FHIT: variants seen among roughly 807,000 people sequenced by gnomAD.
FHIT encodes fragile histidine triad diadenosine triphosphatase.
In FHIT, 19 loss-of-function variants were observed where a neutral mutation model predicts 17.9. The ratio of observed to expected loss-of-function variants is 1.06; its 90% CI spans 0.74 to 1.56. FHIT has a LOEUF of 1.56. FHIT is among the 40% of genes most tolerant of loss of function. The probability of loss-of-function intolerance (pLI) is 0.00; values close to 1 mark genes in which losing one functional copy is unlikely to be tolerated. For synonymous variants in FHIT, 81 were observed against 69.7 expected (o/e 1.16, Z -0.81); for missense variants, 248 against 189.2 (o/e 1.31, Z -1.82).
At chr3:61,057,992 A>T (rs1182547555) in intron 2 of FHIT, among the ~76,000 whole-genome samples, 3 of 152,162 alleles carry the variant, frequency 2.0e-5, no homozygotes, top group Non-Finnish European at 2.9e-5. Context: ...AACTGGGTAG[A>T]GTTCAAGAAT....
chr3:59,877,626 G>T (rs1422322881), intron 8 of FHIT, among the ~76,000 whole-genome samples: 3 of 152,146 alleles, frequency 2.0e-5, no homozygotes, highest in Non-Finnish European at 4.4e-5. Flanking sequence ...GTAGAGGCTT[G>T]GGCTATGATC....
chr3:59,840,667 G>A (rs1454074072), intron 8 of FHIT, among the ~76,000 whole-genome samples: 2 of 152,088 alleles, frequency 1.3e-5, no homozygotes, highest in Non-Finnish European at 2.9e-5. Flanking sequence ...CACCTATGCT[G>A]CAGTCTTTTG....
intron 4 of FHIT, among the ~76,000 whole-genome samples, chr3:60,620,784 A>G (rs938463692): frequency 6.6e-6 from 1 of 152,156 alleles, no homozygotes; most frequent in African/African-American, 2.4e-5. Context: ...AGACTGAACC[A>G]TAACATAACC....
intron 2 of FHIT, among the ~76,000 whole-genome samples, chr3:61,123,752 G>GT (rs1291363936): frequency 6.6e-6 from 1 of 152,054 alleles, no homozygotes; most frequent in African/African-American, 2.4e-5. Flanking sequence ...TGGTGGGGGT[G>GT]TTCTAATTGT....
chr3:60,351,333 G>A (rs765895658), intron 5 of FHIT, among the ~76,000 whole-genome samples: 70 of 152,228 alleles, frequency 4.6e-4, no homozygotes, highest in Middle Eastern at 3.4e-3. Context: ...ACACTCAGAC[G>A]CAAGCCACCT....
intron 5 of FHIT, among the ~76,000 whole-genome samples, chr3:60,299,965 C>T (rs114435299): frequency 4.5e-4 from 68 of 152,176 alleles, no homozygotes; most frequent in African/African-American, 1.6e-3. Context: ...CTACAGTGAG[C>T]AGGCTTTCGC....
intron 5 of FHIT, among the ~76,000 whole-genome samples, chr3:60,233,269 C>T (rs1236948517): frequency 6.6e-6 from 1 of 152,148 alleles, no homozygotes; most frequent in African/African-American, 2.4e-5. Flanking sequence ...CTGACTGATG[C>T]CTGGCAATCC....
At chr3:60,474,095 C>T (rs2033224941) in intron 5 of FHIT, among the ~76,000 whole-genome samples, 1 of 152,098 alleles carries the variant, frequency 6.6e-6, no homozygotes, top group African/African-American at 2.4e-5. Context: ...AGCAGTGACA[C>T]AATCAGGACA....
Position 60,035,263 on chromosome 3 carries a change from G to A in FHIT, c.104-21111C>T, listed in dbSNP as rs376453326. 3.5e-3 allele frequency among the ~76,000 whole-genome samples: 537 copies of A among 152,248 alleles called. 4 individuals are homozygous for A. The highest frequency in any genetic ancestry group is 6.3e-3 in the Non-Finnish European group (427 of 68,004). On this transcript the variant is annotated intron_variant, in intron 5 of 9. Transcript: ENST00000492590. The stretch of plus-strand genomic sequence containing the variant: ...CAGAATGGCCACCATGCAGCAAAAA[G>A]ATCGCTCTTGTTGCCCAGGCTGGAG...
Position 59,752,307 on chromosome 3 carries a change from GT to G in FHIT, c.362del (p.Asp121AlafsTer58). On this transcript the variant is annotated frameshift_variant, in exon 9 of 10. Transcript: ENST00000492590. LOFTEE classifies it high-confidence loss of function. ...TCCAAGAGGCAGGAAAGTCCTCCTT[GT>G]CATGTTTCTGGAGCTTTGGAGAAAA... ...DSIYEELQKH[D>X]KEDFPASWRS... 6.2e-7 allele frequency: 1 copy of G among 1,611,472 alleles called. No homozygotes were observed. The highest frequency in any genetic ancestry group is 8.5e-7 in the Non-Finnish European group (1 of 1,179,056).
chr3:60,061,007 G>A (rs1209523589), intron 5 of FHIT, among the ~76,000 whole-genome samples: 1 of 152,188 alleles, frequency 6.6e-6, no homozygotes. Flanking sequence ...TTATAGTGGT[G>A]GAAATCAAGC....
chr3:59,827,973 T>C (rs1701033935), intron 8 of FHIT, among the ~76,000 whole-genome samples: 2 of 152,214 alleles, frequency 1.3e-5, no homozygotes, highest in South Asian at 4.1e-4. Flanking sequence ...ACACCTCACA[T>C]TAAAGAGGCA....
intron 7 of FHIT, among the ~76,000 whole-genome samples, chr3:59,926,502 G>A (rs1424968997): frequency 6.6e-6 from 1 of 152,106 alleles, no homozygotes; most frequent in Non-Finnish European, 1.5e-5. Context: ...ACGGTATAAG[G>A]TAAATACTGA....
At chr3:61,248,009 T>C (rs1234887521) in intron 1 of FHIT, among the ~76,000 whole-genome samples, 1 of 152,250 alleles carries the variant, frequency 6.6e-6, no homozygotes, top group Non-Finnish European at 1.5e-5. Context: ...TCTTACTATA[T>C]AGATCACTTT....
Position 60,317,550 on chromosome 3 carries a change from A to G in FHIT, c.103+219310T>C, listed in dbSNP as rs116825106. 7.7e-3 allele frequency among the ~76,000 whole-genome samples: 1,141 copies of G among 148,618 alleles called. 14 individuals are homozygous for G. Among genetic ancestry groups the G allele is most frequent in the African/African-American group, 0.026 (1,068 of 40,864 alleles). ...AAAGTGATGCTAATATATTGGAAAT[A>G]TATATACATATATCATTATATATAA... On this transcript the variant is annotated intron_variant, in intron 5 of 9. Transcript: ENST00000492590.
intron 4 of FHIT, among the ~76,000 whole-genome samples, chr3:60,778,239 CTTCT>C (rs565368301): frequency 1.4e-4 from 22 of 152,202 alleles, no homozygotes; most frequent in Non-Finnish European, 2.6e-4. Context: ...GATAACTAAA[CTTCT>C]TTGTCAGTCG....
intron 1 of FHIT, among the ~76,000 whole-genome samples, chr3:61,218,776 T>C (rs1194871600): frequency 6.6e-6 from 1 of 152,198 alleles, no homozygotes; most frequent in Non-Finnish European, 1.5e-5. Flanking sequence ...TACTTTATCG[T>C]GTGTTTATGT....
At chr3:60,296,656 G>T (rs1576437937) in intron 5 of FHIT, among the ~76,000 whole-genome samples, 1 of 151,948 alleles carries the variant, frequency 6.6e-6, no homozygotes, top group South Asian at 2.1e-4. Flanking sequence ...TTTAAATTTT[G>T]AAGTTAAACT....
At chr3:60,054,144 GT>G (rs1371566141) in intron 5 of FHIT, among the ~76,000 whole-genome samples, 2 of 152,122 alleles carry the variant, frequency 1.3e-5, no homozygotes, top group Non-Finnish European at 2.9e-5. Context: ...TTATTTTCCT[GT>G]TTTAATCATA....
Sources: gnomAD v4.1 joint callset for allele counts (sites outside exome capture counted in the v4.1 genomes callset) on GRCh38, gnomAD v4.1.1 for gene constraint, MANE v1.5 for transcripts, NCBI Gene and HGNC (gene_info 2026-07-23, HGNC 2026-07-21) for gene names.